TTLL8: variants seen among roughly 807,000 people sequenced by gnomAD.
The protein encoded by TTLL8 is tubulin tyrosine ligase like 8.
A neutral mutation model predicts 77.8 loss-of-function variants in TTLL8; 65 were observed. The ratio of observed to expected loss-of-function variants is 0.84; its 90% CI spans 0.68 to 1.03. TTLL8 has a LOEUF of 1.03. Ranked by LOEUF, TTLL8 falls within the 50% of genes least tolerant of loss-of-function variation. TTLL8 has a pLI of 0.00. For synonymous variants in TTLL8, 402 were observed against 422.8 expected (o/e 0.95, Z 0.60); for missense variants, 910 against 1,004.5 (o/e 0.91, Z 1.27).
At position 50,045,837 on chromosome 22, in the gene TTLL8, CT is replaced by C; in HGVS notation, c.508+18del. 1 of 1,323,202 alleles carries C rather than the reference CT, an allele frequency of 7.6e-7. No homozygotes were observed. The allele number at this position is 1,323,202 out of a possible 1,614,324, so 82.0% of individuals were successfully genotyped here. A position where few individuals can be genotyped will look rare whatever the true frequency, so the allele number is the denominator to read the frequency against. On this transcript the variant is annotated intron_variant, in intron 5 of 13. Coordinates refer to ENST00000266182, the Ensembl canonical transcript of TTLL8. ...TCTCTGCTGACAGCACTGGGGCCCT[CT>C]GCCGTCTCCTCACTTACCCAGGAAC...
At chr22:50,033,540 A>C (rs2061314337) in intron 9 of TTLL8, 95 bp from the exon 11 acceptor site, 1 of 1,129,036 alleles carries the variant, frequency 8.9e-7, no homozygotes, top group Non-Finnish European at 1.2e-6. Flanking sequence ...CTTGGCCCTG[A>C]GACCTGCACT....
Position 50,041,948 on chromosome 22 carries a change from C to T in TTLL8, c.644-141G>A. 1 of 733,818 alleles carries T rather than the reference C, an allele frequency of 1.4e-6. No individual in the cohort carries two copies. 45.5% of individuals were successfully genotyped at this position (733,818 alleles called of 1,614,324 possible). A position where few individuals can be genotyped will look rare whatever the true frequency, so the allele number is the denominator to read the frequency against. On this transcript the variant is annotated intron_variant, in intron 6 of 13. Coordinates refer to ENST00000266182, the Ensembl canonical transcript of TTLL8. The surrounding 1 kb of genome is among the most constrained non-coding windows in gnomAD (Gnocchi z 4.3). ...CAATACCCAACAAGTATCCCAGATC[C>T]CCAGACAGGCACCCCAATACCCAAC... is the stretch of plus-strand genomic sequence containing the variant.
Position 50,034,046 on chromosome 22 carries a change from A to C in TTLL8, c.1039+299T>G, listed in dbSNP as rs780204138. On this transcript the variant is annotated intron_variant, in intron 9 of 13. Coordinates refer to ENST00000266182, the Ensembl canonical transcript of TTLL8. This position sits in a 1 kb window ranked among gnomAD's most constrained non-coding sequence, Gnocchi z 4.1. ...GAAACTCCGTTTCAAAAAACTAAAA[A>C]TAAAATAATAAAAATAAAAAACTAA... Among the ~76,000 whole-genome samples, 1 of 152,248 alleles carries C rather than the reference A, an allele frequency of 6.6e-6. No individual in the cohort carries two copies. The highest frequency in any genetic ancestry group is 1.5e-5 in the Non-Finnish European group (1 of 68,042).
exon 12 of TTLL8, chr22:50,030,475 G>A: frequency 7.4e-7 from 1 of 1,346,706 alleles, no homozygotes; most frequent in Non-Finnish European, 9.8e-7. Flanking sequence ...GCTGTCTTCA[G>A]GCCCCGCAGC....
chr22:50,021,488 G>T (rs1022841403), intron 12 of TTLL8, among the ~76,000 whole-genome samples: 1 of 137,268 alleles, frequency 7.3e-6, no homozygotes, highest in Non-Finnish European at 1.5e-5. Context: ...CATCTGACAT[G>T]CACTCCTCCA....
intron 12 of TTLL8, among the ~76,000 whole-genome samples, chr22:50,025,089 A>C (rs1042212161): frequency 6.6e-6 from 1 of 152,200 alleles, no homozygotes; most frequent in African/African-American, 2.4e-5. Flanking sequence ...AAAATGTGAA[A>C]GTCAAAACCA....
At chr22:50,042,244 T>A (rs1203506599) in intron 6 of TTLL8, among the ~76,000 whole-genome samples, 1 of 152,218 alleles carries the variant, frequency 6.6e-6, no homozygotes, top group Non-Finnish European at 1.5e-5. Flanking sequence ...TTGCACACAC[T>A]TAATAAAGGA....
intron 8 of TTLL8, among the ~76,000 whole-genome samples, chr22:50,035,378 G>A (rs1024723797): frequency 2.0e-5 from 3 of 152,198 alleles, no homozygotes; most frequent in Admixed American, 6.5e-5. Context: ...CTTGAAGGGA[G>A]AAGTGAGGCT....
chr22:50,030,818 C>T (rs550056414), exon 12 of TTLL8: 8 of 1,348,404 alleles, frequency 5.9e-6, no homozygotes, highest in South Asian at 5.9e-5. Flanking sequence ...ACAGCGAGGC[C>T]GAGGCCTTGA....
chr22:50,025,904 G>A (rs1601905863), intron 12 of TTLL8, among the ~76,000 whole-genome samples: 1 of 152,122 alleles, frequency 6.6e-6, no homozygotes, highest in South Asian at 2.1e-4. Flanking sequence ...CCAGGATGTG[G>A]GGCAACCAGG....
chr22:50,040,297 C>T (rs1440371113), intron 8 of TTLL8, among the ~76,000 whole-genome samples: 4 of 150,366 alleles, frequency 2.7e-5, no homozygotes, highest in Non-Finnish European at 4.4e-5. Flanking sequence ...ATGGACCTCA[C>T]GTGTAACAGC....
Position 50,041,470 on chromosome 22 carries a change from A to G in TTLL8, c.830+151T>C, listed in dbSNP as rs575989769. 1,349 of 1,194,886 alleles carry G rather than the reference A, an allele frequency of 1.1e-3. 2 individuals are homozygous for G. Among genetic ancestry groups the G allele is most frequent in the Non-Finnish European group, 1.4e-3 (1,308 of 936,596 alleles). The allele number at this position is 1,194,886 out of a possible 1,614,324, so 74.0% of individuals were successfully genotyped here. ...CCCAGACATCCAGACAGGAGCCCCA[A>G]CGCCAGGACAGGCATCTCAACACTC... On this transcript the variant is annotated intron_variant, in intron 7 of 13. Coordinates refer to ENST00000266182, the Ensembl canonical transcript of TTLL8. This position sits in a 1 kb window ranked among gnomAD's most constrained non-coding sequence, Gnocchi z 4.3.
At chr22:50,056,727 G>C, upstream of TTLL8, 2 of 1,260,064 alleles carry the variant, frequency 1.6e-6, no homozygotes, top group Non-Finnish European at 2.1e-6. This position sits in a 1 kb window ranked among gnomAD's most constrained non-coding sequence, Gnocchi z 4.1. Context: ...CCGTCCAAGA[G>C]AAGGCGCCTG....
rs1459110485 is a variant in TTLL8 at position 50,031,587 on chromosome 22, C to T, written c.1707+99G>A. 8 of 1,196,734 alleles carry T rather than the reference C, an allele frequency of 6.7e-6. No homozygotes were observed. The East Asian group carries it at 2.9e-4, about 44-fold the overall frequency. 74.1% of individuals were successfully genotyped at this position (1,196,734 alleles called of 1,614,324 possible). Reference sequence around the variant, plus strand: ...TCGGTGTCCTCCATAGACCCCGCTGCACTGGCGGCCTGCAGCTCCACCCTC... The same window carrying T: ...TCGGTGTCCTCCATAGACCCCGCTGTACTGGCGGCCTGCAGCTCCACCCTC... On this transcript the variant is annotated intron_variant, in intron 11 of 13. Coordinates refer to ENST00000266182, the Ensembl canonical transcript of TTLL8.
chr22:50,029,975 G>A (rs921328338), intron 12 of TTLL8, among the ~76,000 whole-genome samples: 3 of 152,190 alleles, frequency 2.0e-5, no homozygotes, highest in African/African-American at 4.8e-5. Context: ...GATGGGGGCC[G>A]GGCGTGGTGG....
intron 2 of TTLL8, 93 bp from the exon 5 acceptor site, chr22:50,049,415 CTT>C: frequency 7.7e-7 from 1 of 1,305,398 alleles, no homozygotes; most frequent in Middle Eastern, 2.6e-4. Flanking sequence ...AGGACAGCGA[CTT>C]TACTTCCAGA....
chr22:50,045,504 T>C, intron 5 of TTLL8, 115 bp from the exon 8 acceptor site: 2 of 905,192 alleles, frequency 2.2e-6, no homozygotes, highest in South Asian at 1.5e-5. Context: ...TCATAGCCGA[T>C]GGGGCCCAGG....
intron 8 of TTLL8, among the ~76,000 whole-genome samples, chr22:50,039,645 C>T (rs1436918420): frequency 1.3e-5 from 2 of 152,206 alleles, no homozygotes; most frequent in African/African-American, 2.4e-5. Flanking sequence ...GATGTGCCAG[C>T]GTGGATGGAC....
chr22:50,052,202 C>T (rs547572306), intron 1 of TTLL8, among the ~76,000 whole-genome samples: 52 of 152,236 alleles, frequency 3.4e-4, no homozygotes, highest in African/African-American at 1.2e-3. Flanking sequence ...GCCTATCACC[C>T]GAGGCTTTGG....
Sources: gnomAD v4.1 joint callset for allele counts (sites outside exome capture counted in the v4.1 genomes callset) on GRCh38, gnomAD v4.1.1 for gene constraint, Gnocchi (gnomAD v3.1) non-coding constraint, MANE v1.5 for transcripts, NCBI Gene and HGNC (gene_info 2026-07-23, HGNC 2026-07-21) for gene names.